XIRP2: variants seen among roughly 807,000 people sequenced by gnomAD.
XIRP2 encodes the protein xin actin-binding repeat-containing protein 2.
XIRP2 carries 236 observed loss-of-function variants against 277.0 expected under a neutral mutation model. The ratio of observed to expected loss-of-function variants is 0.85; its 90% CI spans 0.77 to 0.95. XIRP2 has a LOEUF of 0.95. Ranked by LOEUF, XIRP2 falls within the 40% of genes least tolerant of loss-of-function variation. The probability of loss-of-function intolerance (pLI) is 0.00; values close to 1 mark genes in which losing one functional copy is unlikely to be tolerated. For missense variants in XIRP2, 4,640 were observed against 4,157.5 expected (o/e 1.12, Z -3.19); for synonymous variants, 1,490 against 1,416.5 (o/e 1.05, Z -1.17).
chr2:167,217,668 A>G (rs1179031583), intron 4 of XIRP2, among the ~76,000 whole-genome samples: 1 of 152,170 alleles, frequency 6.6e-6, no homozygotes, highest in Admixed American at 6.5e-5. Context: ...TCATATTAAT[A>G]TTTTTACATA....
chr2:167,208,277 T>C (rs1300892369), intron 3 of XIRP2, among the ~76,000 whole-genome samples: 1 of 152,234 alleles, frequency 6.6e-6, no homozygotes, highest in Non-Finnish European at 1.5e-5. Flanking sequence ...TCCTTTCCTG[T>C]CTGACTTGCA....
chr2:167,224,900 A>G (rs1319876936), intron 5 of XIRP2, among the ~76,000 whole-genome samples: 1 of 152,194 alleles, frequency 6.6e-6, no homozygotes, highest in Non-Finnish European at 1.5e-5. Context: ...TAGGAGCTCC[A>G]TTATCCAAAG....
At chr2:167,055,123 TA>T (rs1253602268) in intron 2 of XIRP2, among the ~76,000 whole-genome samples, 1 of 152,212 alleles carries the variant, frequency 6.6e-6, no homozygotes, top group Non-Finnish European at 1.5e-5. Context: ...AAGCCTCAGA[TA>T]GTTTGTATGC....
intron 3 of XIRP2, among the ~76,000 whole-genome samples, chr2:167,189,256 G>A (rs1386365413): frequency 6.6e-6 from 1 of 151,890 alleles, no homozygotes; most frequent in African/African-American, 2.4e-5. Flanking sequence ...TCTCTCTCTT[G>A]TGCTCTCTCT....
chr2:167,255,577 T>C (rs1338834800), intron 10 of XIRP2, among the ~76,000 whole-genome samples: 1 of 151,862 alleles, frequency 6.6e-6, no homozygotes, highest in Non-Finnish European at 1.5e-5. Flanking sequence ...AATTTCATTA[T>C]CAAAACATTT....
chr2:167,220,714 C>G (rs1694398909), intron 5 of XIRP2, among the ~76,000 whole-genome samples: 1 of 152,156 alleles, frequency 6.6e-6, no homozygotes, highest in Non-Finnish European at 1.5e-5. Flanking sequence ...CCTTACATAT[C>G]TAATTGCTGT....
chr2:167,130,320 C>A (rs1307915695), intron 2 of XIRP2, among the ~76,000 whole-genome samples: 1 of 152,176 alleles, frequency 6.6e-6, no homozygotes, highest in African/African-American at 2.4e-5. Context: ...TTATTAAATT[C>A]AATGGTTTCC....
At chr2:166,897,722 C>A (rs1007969237) in intron 1 of XIRP2, among the ~76,000 whole-genome samples, 4 of 152,012 alleles carry the variant, frequency 2.6e-5, no homozygotes, top group African/African-American at 9.7e-5. Flanking sequence ...GAGCAGGAAG[C>A]TTTTTGGTTT....
At chr2:167,061,572 A>G (rs1689175078) in intron 2 of XIRP2, among the ~76,000 whole-genome samples, 1 of 152,134 alleles carries the variant, frequency 6.6e-6, no homozygotes, top group Admixed American at 6.6e-5. Flanking sequence ...GTATCCGTGG[A>G]TATGACTTTA....
intron 2 of XIRP2, among the ~76,000 whole-genome samples, chr2:166,981,365 T>C (rs1452804867): frequency 6.6e-6 from 1 of 152,150 alleles, no homozygotes; most frequent in Admixed American, 6.5e-5. Flanking sequence ...ACATGGTGTA[T>C]TTCCTCTGAG....
intron 5 of XIRP2, among the ~76,000 whole-genome samples, chr2:167,235,395 CT>C (rs1694871892): frequency 6.6e-6 from 1 of 151,808 alleles, no homozygotes; most frequent in South Asian, 2.1e-4. Flanking sequence ...AATTTGGAAT[CT>C]CAATTTTGAA....
chr2:167,203,078 C>T (rs73029712), intron 3 of XIRP2, among the ~76,000 whole-genome samples: 17,578 of 152,190 alleles, frequency 0.12, 1,306 homozygotes, highest in African/African-American at 0.21. Context: ...ACATTGAACC[C>T]ACTTGGATAA....
rs542113118 is a variant in XIRP2, at chr2:166,969,884, A to G, written c.408+65994A>G. ...CCCCTGTATCCTTAAAACCTCTTCT[A>G]AGAAACATTTGTACACATTTAGGAC... On this transcript the variant is annotated intron_variant, in intron 2 of 10. Coordinates refer to ENST00000409195, the MANE Select transcript of XIRP2 (RefSeq NM_152381.6). Among the ~76,000 whole-genome samples the G allele has an allele frequency of 3.2e-3, 487 of 152,136 alleles. 3 individuals carry two copies. Among genetic ancestry groups the G allele is most frequent in the African/African-American group, 0.011 (462 of 41,522 alleles).
intron 2 of XIRP2, among the ~76,000 whole-genome samples, chr2:167,027,597 T>C (rs1035214672): frequency 6.6e-6 from 1 of 152,106 alleles, no homozygotes; most frequent in African/African-American, 2.4e-5. Flanking sequence ...TTTTAGAGTT[T>C]CCAGGTTTTC....
At chr2:167,079,368 C>T (rs1689668423) in intron 2 of XIRP2, among the ~76,000 whole-genome samples, 1 of 152,112 alleles carries the variant, frequency 6.6e-6, no homozygotes, top group Non-Finnish European at 1.5e-5. Context: ...AGGGAGGAAT[C>T]CCCCCGCTCA....
At chr2:167,067,270 G>T (rs941880486) in intron 2 of XIRP2, among the ~76,000 whole-genome samples, 6 of 147,226 alleles carry the variant, frequency 4.1e-5, no homozygotes, top group Non-Finnish European at 5.9e-5. Flanking sequence ...ATTTTCCATT[G>T]CTATGTCTTC....
intron 2 of XIRP2, among the ~76,000 whole-genome samples, chr2:167,130,615 C>T (rs1051222333): frequency 8.5e-5 from 13 of 152,096 alleles, no homozygotes; most frequent in African/African-American, 3.1e-4. Flanking sequence ...CCAAGATCTC[C>T]AGTCTGCTGA....
rs778051448 is a variant in XIRP2 at position 167,246,247 on chromosome 2, A to G, written c.4855A>G (p.Thr1619Ala). Residue 1619 changes from threonine (T) to alanine (A), a missense_variant, in exon 9 of 11, where the codon ACT (threonine) becomes GCT (alanine). By Grantham distance (58) the Thr-to-Ala change is moderately conservative. Coordinates refer to ENST00000409195, the MANE Select transcript of XIRP2 (RefSeq NM_152381.6). ...MVNLLSKRDC[T>A]EREILISEEE... The stretch of plus-strand genomic sequence containing the variant: ...GAACCTACTTTCCAAAAGGGACTGT[A>G]CTGAAAGAGAGATTTTGATTAGTGA... 1 of 1,613,568 alleles carries G rather than the reference A, an allele frequency of 6.2e-7. No individual in the cohort carries two copies. Among genetic ancestry groups the G allele is most frequent in the Non-Finnish European group, 8.5e-7 (1 of 1,179,760 alleles).
At chr2:167,177,809 C>A (rs1051278442) in intron 3 of XIRP2, among the ~76,000 whole-genome samples, 7 of 152,086 alleles carry the variant, frequency 4.6e-5, no homozygotes, top group African/African-American at 1.7e-4. Flanking sequence ...TTGTCAATAT[C>A]TCTCATATGT....
Sources: allele counts gnomAD v4.1 joint callset (sites outside exome capture counted in the v4.1 genomes callset), GRCh38; gene constraint gnomAD v4.1.1; transcripts MANE v1.5; gene names NCBI Gene and HGNC (gene_info 2026-07-23, HGNC 2026-07-21).